The following GPR39 variants were observed in gnomAD, a reference collection of about 807,000 sequenced individuals.
The protein encoded by GPR39 is zinc sensing receptor.
GPR39 carries 23 observed loss-of-function variants against 18.4 expected under a neutral mutation model. The observed-to-expected ratio is 1.25, with a 90% confidence interval of 0.90 to 1.77. The LOEUF (loss-of-function observed/expected upper bound fraction) is 1.77. GPR39 is among the 40% of genes most tolerant of loss of function. The pLI, the probability that GPR39 is intolerant of heterozygous loss-of-function variation, is 0.00. For synonymous variants in GPR39, 280 were observed against 257.9 expected (o/e 1.09, Z -0.82); for missense variants, 647 against 602.4 (o/e 1.07, Z -0.78).
chr2:132,580,961 A>AAAAAAAAAAAAC (rs1329008393), intron 1 of GPR39, among the ~76,000 whole-genome samples: 2 of 122,164 alleles, frequency 1.6e-5, no homozygotes, highest in Non-Finnish European at 3.1e-5. Context: ...ACTCTGTCTC[A>AAAAAAAAAAAAC]AAAAAAAAAA....
At chr2:132,499,124 G>C (rs941364824) in intron 1 of GPR39, among the ~76,000 whole-genome samples, 1 of 152,026 alleles carries the variant, frequency 6.6e-6, no homozygotes, top group Non-Finnish European at 1.5e-5. Context: ...GGTCATGAAG[G>C]CTTTGCCTAA....
At chr2:132,466,512 A>T (rs1680929759) in intron 1 of GPR39, among the ~76,000 whole-genome samples, 1 of 152,128 alleles carries the variant, frequency 6.6e-6, no homozygotes. Context: ...GGGTTGACTG[A>T]GTTCTGTGGT....
chr2:132,427,061 T>TATATATATGTACCTATATATATAATATAC (rs1680130754), intron 1 of GPR39, among the ~76,000 whole-genome samples: 1 of 147,084 alleles, frequency 6.8e-6, no homozygotes, highest in Admixed American at 6.8e-5. Flanking sequence ...TTTGAATATA[T>TATATATATGTACCTATATATATAATATAC]ATATATATGT....
At chr2:132,487,779 A>T (rs891258091) in intron 1 of GPR39, among the ~76,000 whole-genome samples, 2 of 152,202 alleles carry the variant, frequency 1.3e-5, no homozygotes, top group African/African-American at 4.8e-5. Context: ...AGAGGATAAG[A>T]GTCGTAGAGG....
At chr2:132,572,540 A>G (rs1680459634) in intron 1 of GPR39, among the ~76,000 whole-genome samples, 1 of 151,524 alleles carries the variant, frequency 6.6e-6, no homozygotes. Context: ...AAGAGATTAA[A>G]AAAAAAAAAA....
intron 1 of GPR39, among the ~76,000 whole-genome samples, chr2:132,624,474 A>G (rs921491889): frequency 3.9e-5 from 6 of 152,236 alleles, no homozygotes; most frequent in African/African-American, 9.6e-5. Context: ...ACTTTTTATT[A>G]AAGTTTACAA....
intron 1 of GPR39, among the ~76,000 whole-genome samples, chr2:132,612,430 A>G (rs1286973488): frequency 1.3e-5 from 2 of 152,148 alleles, no homozygotes; most frequent in African/African-American, 4.8e-5. Flanking sequence ...CTCTTTGCTT[A>G]CTTCAAAGCA....
Position 132,645,243 on chromosome 2 carries a change from C to T in GPR39, c.999C>T (p.Phe333=). 2 of 1,614,216 alleles carry T rather than the reference C, an allele frequency of 1.2e-6. No homozygotes were observed. Among genetic ancestry groups the T allele is most frequent in the Non-Finnish European group, 1.7e-6 (2 of 1,180,036 alleles). The stretch of plus-strand genomic sequence containing the variant: ...TCCTCCCCTTCTCGGAGACGTTTTT[C>T]TACCTCAGCTCGGTCATCAACCCGC... ...MILLPFSETF[F]YLSSVINPLL... Residue 333 remains phenylalanine (F), a synonymous_variant, in exon 2 of 2, where the codon TTC becomes TTT. Coordinates refer to ENST00000329321, the MANE Select transcript of GPR39 (RefSeq NM_001508.3).
At position 132,465,419 on chromosome 2, in the gene GPR39, A is replaced by G. The variant is rs553957355; in HGVS notation, c.856+47521A>G. ...ATGCAACTTCCCCTAGTCTCCCTGT[A>G]CCCCCTCTCCAAACTATCATGCTGC... On this transcript the variant is annotated intron_variant, in intron 1 of 1. Transcript: ENST00000329321. Among the ~76,000 whole-genome samples the G allele has an allele frequency of 2.0e-5, 3 of 152,222 alleles. No homozygotes were observed. The South Asian group carries it at 6.2e-4, about 32-fold the overall frequency.
chr2:132,593,548 C>T (rs1207470493), intron 1 of GPR39, among the ~76,000 whole-genome samples: 1 of 152,128 alleles, frequency 6.6e-6, no homozygotes, highest in Non-Finnish European at 1.5e-5. Flanking sequence ...AGGAGAAGAG[C>T]CAGCCAAGTT....
chr2:132,504,586 C>T (rs7558583), intron 1 of GPR39, among the ~76,000 whole-genome samples: 48,188 of 152,036 alleles, frequency 0.32, 9,652 homozygotes, highest in East Asian at 0.79. Context: ...CTGTCTCTCC[C>T]AACTGTCCCA....
At chr2:132,608,191 C>T (rs1681175944) in intron 1 of GPR39, among the ~76,000 whole-genome samples, 2 of 152,102 alleles carry the variant, frequency 1.3e-5, no homozygotes, top group African/African-American at 2.4e-5. Context: ...GTAATGACAT[C>T]GAAAATAAAA....
intron 1 of GPR39, among the ~76,000 whole-genome samples, chr2:132,471,942 G>A (rs1297885089): frequency 2.0e-5 from 3 of 152,172 alleles, no homozygotes; most frequent in African/African-American, 7.2e-5. Context: ...CTTCAGCAGG[G>A]ATAGACCAAT....
intron 1 of GPR39, among the ~76,000 whole-genome samples, chr2:132,468,800 G>A (rs1680977231): frequency 6.6e-6 from 1 of 152,224 alleles, no homozygotes; most frequent in Non-Finnish European, 1.5e-5. Context: ...AAGTAGGGTA[G>A]TGGCGATGGG....
rs1040066942 is a variant in GPR39 at position 132,444,376 on chromosome 2, C to T, written c.856+26478C>T. On this transcript the variant is annotated intron_variant, in intron 1 of 1. Transcript: ENST00000329321. The stretch of plus-strand genomic sequence containing the variant: ...GTACAATCATAGCTCATAGTCGCCT[C>T]AACTCTTGGGCTCAAGCCGTCTTCC... Among the ~76,000 whole-genome samples the T allele has an allele frequency of 1.1e-4, 17 of 152,118 alleles. 1 individual carries two copies. Among genetic ancestry groups the T allele is most frequent in the African/African-American group, 3.9e-4 (16 of 41,504 alleles).
intron 1 of GPR39, among the ~76,000 whole-genome samples, chr2:132,586,826 T>C (rs1680739694): frequency 6.6e-6 from 1 of 152,258 alleles, no homozygotes; most frequent in Non-Finnish European, 1.5e-5. Context: ...TCTTTCTTCA[T>C]GTACCTGGTT....
intron 1 of GPR39, among the ~76,000 whole-genome samples, chr2:132,532,812 C>A (rs1679666164): frequency 1.3e-5 from 2 of 152,124 alleles, no homozygotes; most frequent in Non-Finnish European, 2.9e-5. Flanking sequence ...ATGCTAAAAA[C>A]CCTCAATAAA....
At chr2:132,554,836 T>G (rs933347302) in intron 1 of GPR39, among the ~76,000 whole-genome samples, 4 of 152,214 alleles carry the variant, frequency 2.6e-5, no homozygotes, top group African/African-American at 7.2e-5. Flanking sequence ...AACTTTTTAG[T>G]GCACACATCT....
intron 1 of GPR39, among the ~76,000 whole-genome samples, chr2:132,572,528 A>C (rs369654363): frequency 1.3e-4 from 20 of 151,018 alleles, no homozygotes; most frequent in Middle Eastern, 3.4e-3. Flanking sequence ...TCATAGGGTT[A>C]GAAGAGATTA....
Sources: gnomAD v4.1 joint callset for allele counts (sites outside exome capture counted in the v4.1 genomes callset) on GRCh38, gnomAD v4.1.1 for gene constraint, MANE v1.5 for transcripts, NCBI Gene and HGNC (gene_info 2026-07-23, HGNC 2026-07-21) for gene names.